The following DLGAP4 variants were observed in gnomAD, a reference collection of about 807,000 sequenced individuals.
DLGAP4 encodes disks large-associated protein 4.
A neutral mutation model predicts 86.9 loss-of-function variants in DLGAP4; 18 were observed. The observed-to-expected ratio is 0.21, with a 90% CI of 0.14 to 0.31. The LOEUF is 0.31. Among genes scored for constraint, DLGAP4 ranks in the 10% least tolerant of loss-of-function variants. The pLI is 1.00. For missense variants in DLGAP4, 1,085 were observed against 1,362.6 expected (o/e 0.80, Z 3.21); for synonymous variants, 548 against 574.3 (o/e 0.95, Z 0.65).
At chr20:36,374,571 T>G (rs998584223) in intron 2 of DLGAP4, among the ~76,000 whole-genome samples, 1 of 152,236 alleles carries the variant, frequency 6.6e-6, no homozygotes, top group South Asian at 2.1e-4. Flanking sequence ...ATGAAGGAAG[T>G]GTCAGTGAGC....
At chr20:36,445,896 T>C (rs2033580105) in intron 6 of DLGAP4, among the ~76,000 whole-genome samples, 1 of 152,224 alleles carries the variant, frequency 6.6e-6, no homozygotes, top group Non-Finnish European at 1.5e-5. Context: ...ATGTGCATGG[T>C]GAGGCCCCTC....
Position 36,524,349 on chromosome 20 carries a change from T to C in DLGAP4, c.2604+8T>C, listed in dbSNP as rs1309368853. On this transcript the variant is annotated splice_region_variant and intron_variant, in intron 11 of 12. Coordinates refer to ENST00000339266, the MANE Select transcript of DLGAP4 (RefSeq NM_001365621.2). ...CTCTGTGAGCAAAACTTGGTGAGTG[T>C]GATTCTCCTTCCTCCACAGCAGGGC... The C allele has an allele frequency of 1.2e-6, 2 of 1,609,494 alleles. No homozygotes were observed. The highest frequency in any genetic ancestry group is 1.7e-6 in the Non-Finnish European group (2 of 1,177,502).
At chr20:36,363,782 G>A (rs1306358602) in intron 1 of DLGAP4, among the ~76,000 whole-genome samples, 1 of 152,166 alleles carries the variant, frequency 6.6e-6, no homozygotes, top group Non-Finnish European at 1.5e-5. Context: ...GTGCATCCTA[G>A]GGTTTGGAAT....
intron 10 of DLGAP4, among the ~76,000 whole-genome samples, chr20:36,522,470 T>A (rs1420558267): frequency 1.3e-5 from 2 of 152,182 alleles, no homozygotes; most frequent in South Asian, 2.1e-4. Flanking sequence ...CCTCCTTTTT[T>A]AATTTCAAAT....
intron 2 of DLGAP4, among the ~76,000 whole-genome samples, chr20:36,401,501 C>A (rs767563635): frequency 2.6e-5 from 4 of 152,180 alleles, no homozygotes; most frequent in Non-Finnish European, 5.9e-5. Context: ...TCCTCACCTG[C>A]GGAATGGGTT....
chr20:36,351,326 A>T (rs2030144968), intron 1 of DLGAP4, among the ~76,000 whole-genome samples: 1 of 152,228 alleles, frequency 6.6e-6, no homozygotes, highest in Non-Finnish European at 1.5e-5. Context: ...ACTGGGCTGC[A>T]CAGCAGGAAG....
chr20:36,470,971 T>C (rs1189371881), intron 7 of DLGAP4, among the ~76,000 whole-genome samples: 3 of 152,244 alleles, frequency 2.0e-5, no homozygotes, highest in Non-Finnish European at 4.4e-5. Context: ...CGAGTGCATG[T>C]GTAGCTGTCG....
At chr20:36,402,023 T>C (rs2425254) in intron 2 of DLGAP4, among the ~76,000 whole-genome samples, 129,179 of 151,932 alleles carry the variant, frequency 0.85, 55,530 homozygotes, top group East Asian at 1. Flanking sequence ...GGGCCAGGGT[T>C]GGGGGTGTCA....
intron 2 of DLGAP4, among the ~76,000 whole-genome samples, chr20:36,402,511 A>G (rs887290589): frequency 6.6e-6 from 1 of 152,068 alleles, no homozygotes; most frequent in Non-Finnish European, 1.5e-5. Flanking sequence ...ACTTTGGGAG[A>G]TCAAGATGGG....
chr20:36,327,972 G>C (rs1331296985), intron 1 of DLGAP4, among the ~76,000 whole-genome samples: 1 of 151,262 alleles, frequency 6.6e-6, no homozygotes, highest in Non-Finnish European at 1.5e-5. Context: ...GCCAAGGCAG[G>C]TGGATTGTTT....
chr20:36,378,821 G>A (rs771694434), intron 2 of DLGAP4, among the ~76,000 whole-genome samples: 35 of 152,072 alleles, frequency 2.3e-4, no homozygotes, highest in Non-Finnish European at 4.1e-4. Context: ...GGGGAAGCTG[G>A]AGTAATTCTA....
intron 10 of DLGAP4, among the ~76,000 whole-genome samples, chr20:36,503,402 G>A (rs1369429604): frequency 6.6e-6 from 1 of 151,388 alleles, no homozygotes; most frequent in Non-Finnish European, 1.5e-5. Context: ...CACAGCCTTA[G>A]GCAACCTCTA....
At chr20:36,410,151 C>T (rs931619394) in intron 2 of DLGAP4, among the ~76,000 whole-genome samples, 11 of 152,184 alleles carry the variant, frequency 7.2e-5, no homozygotes, top group African/African-American at 2.7e-4. Flanking sequence ...TCTTGGACCC[C>T]TCTTTTAGAG....
intron 8 of DLGAP4, 53 bp downstream of exon 8, chr20:36,497,119 G>A (rs2035922073): frequency 6.5e-7 from 1 of 1,531,570 alleles, no homozygotes; most frequent in African/African-American, 1.4e-5. Flanking sequence ...GCACCTGCCT[G>A]TGTGTAATTA....
intron 1 of DLGAP4, among the ~76,000 whole-genome samples, chr20:36,348,376 G>C (rs2030014460): frequency 6.6e-6 from 1 of 151,840 alleles, no homozygotes. Context: ...TGCCAGCTGT[G>C]AACAAAAAAG....
At chr20:36,379,284 AG>A (rs2031282603) in intron 2 of DLGAP4, among the ~76,000 whole-genome samples, 3 of 152,160 alleles carry the variant, frequency 2.0e-5, no homozygotes, top group Non-Finnish European at 1.5e-5. Context: ...GGCCCATGGG[AG>A]ATGCTCTTGA....
At chr20:36,428,831 C>A (rs993466145) in intron 2 of DLGAP4, among the ~76,000 whole-genome samples, 6 of 152,226 alleles carry the variant, frequency 3.9e-5, no homozygotes, top group Non-Finnish European at 7.3e-5. Context: ...GGGGAGAATT[C>A]ATCTCTTTTT....
chr20:36,482,133 C>T lies in DLGAP4; in HGVS notation c.1649-14572C>T, dbSNP rs576914368. Among the ~76,000 whole-genome samples, 5 of 152,256 alleles carry T rather than the reference C, an allele frequency of 3.3e-5. No individual in the cohort carries two copies. The South Asian group carries it at 6.2e-4, about 19-fold the overall frequency. ...TCGTCTCATCCCAACTCTAGGCTGC[C>T]GAGGGATCTTGGCTCCTACTCCTGT... On this transcript the variant is annotated intron_variant, in intron 7 of 12. Transcript: ENST00000339266.
intron 2 of DLGAP4, among the ~76,000 whole-genome samples, chr20:36,414,737 C>T (rs992482735): frequency 1.3e-5 from 2 of 152,224 alleles, no homozygotes; most frequent in African/African-American, 2.4e-5. Flanking sequence ...AGGCCCTGTT[C>T]CTGTCCCCCT....
Sources: allele counts gnomAD v4.1 joint callset (sites outside exome capture counted in the v4.1 genomes callset), GRCh38; gene constraint gnomAD v4.1.1; transcripts MANE v1.5; gene names NCBI Gene and HGNC (gene_info 2026-07-23, HGNC 2026-07-21).